The following GFRA1 variants were observed in gnomAD, a reference collection of about 807,000 sequenced individuals.
The protein encoded by GFRA1 is GDNF family receptor alpha 1.
In GFRA1, 16 loss-of-function variants were observed where a neutral mutation model predicts 51.6. The observed-to-expected ratio is 0.31, with a 90% CI of 0.21 to 0.47. The LOEUF (loss-of-function observed/expected upper bound fraction) is 0.47. GFRA1 is among the 20% of genes least tolerant of loss of function. The pLI is 1.00. For synonymous variants in GFRA1, 270 were observed against 241.3 expected (o/e 1.12, Z -1.10); for missense variants, 530 against 594.3 (o/e 0.89, Z 1.13).
intron 4 of GFRA1, among the ~76,000 whole-genome samples, chr10:116,239,782 T>A (rs1488619437): frequency 6.6e-6 from 1 of 152,116 alleles, no homozygotes; most frequent in Non-Finnish European, 1.5e-5. Context: ...TATACTTGGG[T>A]TTTTAAAAAA....
rs1491142803 is a variant in GFRA1, at chr10:116,196,705, ATT to A, written c.433+14924_433+14925del. Among the ~76,000 whole-genome samples, 7 of 52,122 alleles carry A rather than the reference ATT, an allele frequency of 1.3e-4. 1 individual carries two copies. Among genetic ancestry groups the A allele is most frequent in the South Asian group, 1.2e-3 (2 of 1,618 alleles). 34.2% of individuals were successfully genotyped at this position (52,122 alleles called of 152,430 possible). On this transcript the variant is annotated intron_variant, in intron 5 of 10. Transcript: ENST00000355422. ...ATATATAGTACTATATATAATATATATTATATATAGTACTATATATAATATAT... is the reference window on the plus strand; with the variant it reads ...ATATATAGTACTATATATAATATATAATATATAGTACTATATATAATATAT...
At chr10:116,109,954 A>T (rs1373463492) in intron 6 of GFRA1, among the ~76,000 whole-genome samples, 1 of 152,096 alleles carries the variant, frequency 6.6e-6, no homozygotes, top group Non-Finnish European at 1.5e-5. Flanking sequence ...GGTGAGGATT[A>T]GAGCCCATAT....
At chr10:116,178,300 G>GAGGGT (rs36018500) in intron 5 of GFRA1, among the ~76,000 whole-genome samples, 1 of 41,202 alleles carries the variant, frequency 2.4e-5, no homozygotes, top group African/African-American at 1.5e-4. Flanking sequence ...ACAAGGGGCC[G>GAGGGT]GGGGGGCGTT....
chr10:116,085,665 G>A (rs925316446), intron 9 of GFRA1, among the ~76,000 whole-genome samples: 1 of 152,026 alleles, frequency 6.6e-6, no homozygotes, highest in Non-Finnish European at 1.5e-5. Context: ...TTGGGATGAA[G>A]GCCCTTCACT....
intron 5 of GFRA1, among the ~76,000 whole-genome samples, chr10:116,192,196 C>T (rs950140952): frequency 6.6e-6 from 1 of 152,106 alleles, no homozygotes; most frequent in Non-Finnish European, 1.5e-5. Flanking sequence ...AATGGGCACC[C>T]CCATCCCCAT....
At chr10:116,102,111 C>A (rs919685022) in intron 6 of GFRA1, among the ~76,000 whole-genome samples, 1 of 152,194 alleles carries the variant, frequency 6.6e-6, no homozygotes, top group Non-Finnish European at 1.5e-5. Flanking sequence ...GAGATTAAGC[C>A]TTGCTCAGAG....
At chr10:116,123,168 C>G (rs1957717006) in intron 6 of GFRA1, among the ~76,000 whole-genome samples, 1 of 152,226 alleles carries the variant, frequency 6.6e-6, no homozygotes, top group African/African-American at 2.4e-5. Flanking sequence ...ATTGGCTTCC[C>G]CAGGTTCCTG....
At chr10:116,078,833 G>A (rs1459603071) in intron 9 of GFRA1, among the ~76,000 whole-genome samples, 2 of 152,024 alleles carry the variant, frequency 1.3e-5, no homozygotes, top group African/African-American at 4.8e-5. Flanking sequence ...TTAGATAAAA[G>A]GCCCAGGCAA....
chr10:116,180,019 G>T (rs1252474894), intron 5 of GFRA1, among the ~76,000 whole-genome samples: 1 of 152,272 alleles, frequency 6.6e-6, no homozygotes, highest in South Asian at 2.1e-4. Context: ...TGAGAATTTT[G>T]TATCTCCGGC....
chr10:116,152,749 TTGA>T (rs1218533003), intron 5 of GFRA1, among the ~76,000 whole-genome samples: 1 of 152,234 alleles, frequency 6.6e-6, no homozygotes, highest in African/African-American at 2.4e-5. Context: ...GTCTTTTGTT[TTGA>T]TGATGTTTCA....
intron 6 of GFRA1, among the ~76,000 whole-genome samples, chr10:116,116,401 CAA>C (rs1398663079): frequency 6.6e-6 from 1 of 152,254 alleles, no homozygotes; most frequent in Non-Finnish European, 1.5e-5. Flanking sequence ...TCTGCGACAG[CAA>C]AGAATTCATC....
chr10:116,227,009 GCCTGCTACTCACCT>G lies in GFRA1; in HGVS notation c.419-15378_419-15365del, dbSNP rs1413099541. Among the ~76,000 whole-genome samples, 4 of 152,260 alleles carry G rather than the reference GCCTGCTACTCACCT, an allele frequency of 2.6e-5. No individual in the cohort carries two copies. In the East Asian group the frequency reaches 7.7e-4, roughly 29 times the overall value. On this transcript the variant is annotated intron_variant, in intron 4 of 10. Transcript: ENST00000355422. ...AATACAGATGAAGCTTCACTCACTTGCCTGCTACTCACCTCCTGCTCTGCAGCCCAGTTCCTACT... is the reference window on the plus strand; with the variant it reads ...AATACAGATGAAGCTTCACTCACTTGCCTGCTCTGCAGCCCAGTTCCTACT...
intron 6 of GFRA1, among the ~76,000 whole-genome samples, chr10:116,120,208 G>C (rs1054047761): frequency 6.6e-6 from 1 of 152,174 alleles, no homozygotes; most frequent in South Asian, 2.1e-4. Context: ...ACATAGAGCC[G>C]CTGACCAATT....
chr10:116,064,601 A>G (rs898660866), intron 10 of GFRA1, 57 bp from the exon 11 acceptor site: 1 of 1,495,054 alleles, frequency 6.7e-7, no homozygotes, highest in South Asian at 1.1e-5. Flanking sequence ...CTACCACAGT[A>G]TACTTTACAC....
intron 5 of GFRA1, among the ~76,000 whole-genome samples, chr10:116,176,237 A>G (rs1961582372): frequency 6.6e-6 from 1 of 152,222 alleles, no homozygotes; most frequent in Non-Finnish European, 1.5e-5. Context: ...GACCTTGGGA[A>G]GATGGAACAA....
chr10:116,263,589 G>A (rs1969445465), intron 4 of GFRA1, among the ~76,000 whole-genome samples: 1 of 152,172 alleles, frequency 6.6e-6, no homozygotes, highest in Non-Finnish European at 1.5e-5. Flanking sequence ...TAGAACGGCA[G>A]CTGCTCAACC....
intron 5 of GFRA1, among the ~76,000 whole-genome samples, chr10:116,197,608 A>G (rs188794903): frequency 1.3e-5 from 2 of 152,314 alleles, no homozygotes; most frequent in East Asian, 3.9e-4. Flanking sequence ...TTCCAGATGA[A>G]CTAAGACATC....
At chr10:116,135,380 A>G (rs1373816570) in intron 5 of GFRA1, among the ~76,000 whole-genome samples, 1 of 152,246 alleles carries the variant, frequency 6.6e-6, no homozygotes, top group East Asian at 1.9e-4. Context: ...GGAGTGCATG[A>G]AATTTCTCAG....
At chr10:116,237,543 C>G (rs1055817898) in intron 4 of GFRA1, among the ~76,000 whole-genome samples, 1 of 137,462 alleles carries the variant, frequency 7.3e-6, no homozygotes. Context: ...AGTACATACT[C>G]GAATAGATTA....
Sources: allele counts gnomAD v4.1 joint callset (sites outside exome capture counted in the v4.1 genomes callset), GRCh38; gene constraint gnomAD v4.1.1; transcripts MANE v1.5; gene names NCBI Gene and HGNC (gene_info 2026-07-23, HGNC 2026-07-21).